Variants in PTPRD observed in about 807,000 individuals in gnomAD.
PTPRD encodes protein tyrosine phosphatase receptor type D.
In PTPRD, 34 loss-of-function variants were observed where a neutral mutation model predicts 214.5. The observed-to-expected ratio is 0.16, with a 90% CI of 0.12 to 0.21. The LOEUF is 0.21. PTPRD is among the 10% of genes least tolerant of loss of function. The pLI is 1.00. For missense variants in PTPRD, 2,545 were observed against 2,398.7 expected, an observed-to-expected ratio of 1.06 and a Z score of -1.27; for synonymous variants, 1,128 against 845.7, an observed-to-expected ratio of 1.33 and a Z score of -5.79.
chr9:10,420,379 C>G (rs2098534884), intron 2 of PTPRD, among the ~76,000 whole-genome samples: 1 of 151,682 alleles, frequency 6.6e-6, no homozygotes, highest in Non-Finnish European at 1.5e-5. Context: ...TCTCCAAATC[C>G]TTTCATTTTC....
At chr9:8,993,624 A>AT (rs901740923) in intron 11 of PTPRD, among the ~76,000 whole-genome samples, 1 of 152,060 alleles carries the variant, frequency 6.6e-6, no homozygotes, top group South Asian at 2.1e-4. Flanking sequence ...AGATGATTAT[A>AT]TTTTTCCTGA....
At chr9:8,993,347 T>C (rs190534936) in intron 11 of PTPRD, among the ~76,000 whole-genome samples, 55 of 152,268 alleles carry the variant, frequency 3.6e-4, no homozygotes, top group Non-Finnish European at 6.5e-4. Flanking sequence ...GATTAAAATA[T>C]GTGAAAATTT....
At chr9:10,236,340 G>A (rs1304099477) in intron 3 of PTPRD, among the ~76,000 whole-genome samples, 4 of 151,938 alleles carry the variant, frequency 2.6e-5, no homozygotes, top group Admixed American at 1.3e-4. Flanking sequence ...AGATTCTGGC[G>A]TACTAAGAAT....
rs183551983 is a variant in PTPRD, at chr9:9,851,442, G to A, written c.-367-84591C>T. Among the ~76,000 whole-genome samples the A allele has an allele frequency of 5.3e-5, 8 of 152,258 alleles. No individual in the cohort carries two copies. In the East Asian group the frequency reaches 1.5e-3, roughly 29 times the overall value. On this transcript the variant is annotated intron_variant, in intron 5 of 45. Coordinates refer to ENST00000381196, the MANE Select transcript of PTPRD (RefSeq NM_002839.4). ...TGTACATTATAAAGATTTAAATATT[G>A]CCTCTTTTTGTTTTGGTTCAAGTGA...
chr9:9,955,868 G>T (rs926019036), intron 4 of PTPRD, among the ~76,000 whole-genome samples: 1 of 152,054 alleles, frequency 6.6e-6, no homozygotes, highest in Non-Finnish European at 1.5e-5. Context: ...AAATAACAAA[G>T]ATTTTCCAAA....
At chr9:9,508,850 A>G (rs757590378) in intron 8 of PTPRD, among the ~76,000 whole-genome samples, 1 of 151,588 alleles carries the variant, frequency 6.6e-6, no homozygotes, top group Non-Finnish European at 1.5e-5. Flanking sequence ...TCCTTGAATG[A>G]TCCATTATTA....
At chr9:9,500,054 G>C (rs796391159) in intron 8 of PTPRD, among the ~76,000 whole-genome samples, 5 of 152,184 alleles carry the variant, frequency 3.3e-5, no homozygotes, top group African/African-American at 1.2e-4. Flanking sequence ...ATTTGCAGAA[G>C]TATTCTTTGA....
intron 9 of PTPRD, among the ~76,000 whole-genome samples, chr9:9,373,060 ATC>A (rs2059941691): frequency 1.3e-5 from 2 of 152,018 alleles, no homozygotes; most frequent in African/African-American, 4.8e-5. Flanking sequence ...AATTGCCACT[ATC>A]TCTGATGCCA....
In PTPRD at chr9:9,298,757, G is replaced by A. The variant is rs975186250; in HGVS notation, c.-203+98692C>T. 2.0e-5 allele frequency among the ~76,000 whole-genome samples: 3 copies of A among 151,628 alleles called. No homozygotes were observed. The South Asian group carries it at 6.2e-4, about 31-fold the overall frequency. On this transcript the variant is annotated intron_variant, in intron 9 of 45. Coordinates refer to ENST00000381196, the MANE Select transcript of PTPRD (RefSeq NM_002839.4). ...TTCCTCCTCTTCTCTGAATTGTCCT[G>A]AATTATTTACATATTGAATAATTAG...
intron 11 of PTPRD, among the ~76,000 whole-genome samples, chr9:8,832,283 A>G (rs1415034016): frequency 6.6e-6 from 1 of 152,136 alleles, no homozygotes; most frequent in Non-Finnish European, 1.5e-5. Flanking sequence ...CCTAACAGAT[A>G]ACTGCTTTGA....
intron 4 of PTPRD, among the ~76,000 whole-genome samples, chr9:9,951,700 G>T (rs1216137841): frequency 6.6e-6 from 1 of 152,190 alleles, no homozygotes; most frequent in African/African-American, 2.4e-5. Flanking sequence ...AAATAACCAG[G>T]GTGAGGTTTC....
At chr9:8,824,029 G>A (rs1441838233) in intron 11 of PTPRD, among the ~76,000 whole-genome samples, 1 of 152,180 alleles carries the variant, frequency 6.6e-6, no homozygotes, top group African/African-American at 2.4e-5. Flanking sequence ...CATGGTGCTG[G>A]TGGGAGTGTA....
intron 33 of PTPRD, among the ~76,000 whole-genome samples, chr9:8,456,970 G>C (rs1006204000): frequency 1.6e-4 from 24 of 151,958 alleles, no homozygotes; most frequent in Admixed American, 1.4e-3. Context: ...ATAATTCTTG[G>C]ACAGTTCTGG....
At chr9:10,407,180 A>G (rs1041001390) in intron 2 of PTPRD, among the ~76,000 whole-genome samples, 7 of 151,626 alleles carry the variant, frequency 4.6e-5, no homozygotes, top group Non-Finnish European at 8.9e-5. Context: ...AAGAGTCTGA[A>G]GGTTTAATCT....
chr9:8,478,872 C>G (rs1018984981), intron 30 of PTPRD, among the ~76,000 whole-genome samples: 1 of 152,162 alleles, frequency 6.6e-6, no homozygotes, highest in African/African-American at 2.4e-5. Flanking sequence ...GAGTAGGGGC[C>G]AAGACCTCCT....
intron 12 of PTPRD, chr9:8,713,651 G>A (rs941140589): frequency 6.6e-7 from 1 of 1,521,950 alleles, no homozygotes; most frequent in South Asian, 1.1e-5. Flanking sequence ...CGAGACATGG[G>A]CGCCCGGCAC....
At chr9:9,789,135 C>T (rs1273139166) in intron 5 of PTPRD, among the ~76,000 whole-genome samples, 1 of 152,128 alleles carries the variant, frequency 6.6e-6, no homozygotes, top group Non-Finnish European at 1.5e-5. Context: ...TTATTGTAGT[C>T]TACTTTGAGT....
intron 10 of PTPRD, among the ~76,000 whole-genome samples, chr9:9,042,712 T>C (rs1239110858): frequency 6.7e-6 from 1 of 149,048 alleles, no homozygotes; most frequent in East Asian, 2.1e-4. Flanking sequence ...GCAGACATAA[T>C]CCATTTTCTA....
intron 9 of PTPRD, among the ~76,000 whole-genome samples, chr9:9,196,690 T>C (rs2099938835): frequency 6.6e-6 from 1 of 152,198 alleles, no homozygotes. Context: ...ATGCAAAACA[T>C]CTAGCATATT....
Sources: allele counts gnomAD v4.1 joint callset (sites outside exome capture counted in the v4.1 genomes callset), GRCh38; gene constraint gnomAD v4.1.1; transcripts MANE v1.5; gene names NCBI Gene and HGNC (gene_info 2026-07-23, HGNC 2026-07-21).